Variants in WHRN observed in about 807,000 individuals in gnomAD.
WHRN encodes CASK-interacting protein CIP98.
A neutral mutation model predicts 68.3 loss-of-function variants in WHRN; 41 were observed. The ratio of observed to expected loss-of-function variants is 0.60; its 90% CI spans 0.47 to 0.78. The LOEUF is 0.78. Ranked by LOEUF, WHRN falls within the 30% of genes least tolerant of loss-of-function variation. The pLI is 0.00. For synonymous variants in WHRN, 560 were observed against 561.3 expected (o/e 1.00, Z 0.03); for missense variants, 1,243 against 1,244.7 (o/e 1.00, Z 0.02).
chr9:114,481,307 C>T (rs775595132), intron 1 of WHRN, among the ~76,000 whole-genome samples: 1 of 152,322 alleles, frequency 6.6e-6, no homozygotes, highest in African/African-American at 2.4e-5. Flanking sequence ...GGAGGGATAA[C>T]GAGGATGGCG....
Position 114,404,057 on chromosome 9 carries a change from G to A in WHRN, c.2257C>T (p.Leu753Phe), listed in dbSNP as rs761972283. 6 of 1,613,240 alleles carry A rather than the reference G, an allele frequency of 3.7e-6. No homozygotes were observed. The South Asian group carries it at 5.5e-5, about 15-fold the overall frequency. Residue 753 changes from leucine to phenylalanine, a missense_variant, in exon 10 of 12, where the codon CTC (leucine) becomes TTC (phenylalanine). By Grantham distance (22) the Leu-to-Phe change is conservative. Transcript: ENST00000362057. ...QTRTASTLSQ[L>F]SDSGQTLSED... ...CTTAGAGTCTGCCCGCTGTCCGAGA[G>A]CTGGGAGAGCGTAGAGGCTGCTGGA...
In WHRN at chr9:114,467,525, G is replaced by T. The variant is rs543576598; in HGVS notation, c.838-1133C>A. 3.3e-5 allele frequency among the ~76,000 whole-genome samples: 5 copies of T among 152,200 alleles called. No individual in the cohort carries two copies. The South Asian group carries it at 6.2e-4, about 19-fold the overall frequency. On this transcript the variant is annotated intron_variant, in intron 2 of 11. Coordinates refer to ENST00000362057, the MANE Select transcript of WHRN (RefSeq NM_015404.4). ...GCGAGAGTCAGCCGGCGGGGGGGAA[G>T]GGAAAATGGAACATTCCAGAATATG... is the stretch of plus-strand genomic sequence containing the variant.
At chr9:114,460,984 T>C (rs1264328682) in intron 3 of WHRN, among the ~76,000 whole-genome samples, 8 of 152,174 alleles carry the variant, frequency 5.3e-5, no homozygotes, top group African/African-American at 1.7e-4. Context: ...GGTGTTAGCA[T>C]ATCCAAGGGG....
At chr9:114,432,019 G>C (rs1313121120) in intron 3 of WHRN, among the ~76,000 whole-genome samples, 2 of 152,338 alleles carry the variant, frequency 1.3e-5, no homozygotes, top group Non-Finnish European at 2.9e-5. Flanking sequence ...TGCTTGCAGG[G>C]CACTGATGGG....
intron 1 of WHRN, among the ~76,000 whole-genome samples, chr9:114,482,380 G>A (rs560499503): frequency 1.3e-5 from 2 of 152,358 alleles, no homozygotes; most frequent in African/African-American, 2.4e-5. Flanking sequence ...AAAATCACAC[G>A]TGGATTGTGG....
Position 114,403,917 on chromosome 9 carries a change from G to A in WHRN, c.2397C>T (p.Pro799=). ...SSKELPRNER[P]TDGANKPPGL... is the part of the protein sequence containing the mutation. The stretch of plus-strand genomic sequence containing the variant: ...TCACCGGTTTGTTGGCCCCATCTGT[G>A]GGCCTCTCGTTCCGAGGCAGCTCCT... Residue 799 remains proline, a synonymous_variant, in exon 10 of 12, where the codon CCC becomes CCT. Transcript: ENST00000362057. The A allele has an allele frequency of 6.2e-7, 1 of 1,611,010 alleles. No individual in the cohort carries two copies. The highest frequency in any genetic ancestry group is 8.5e-7 in the Non-Finnish European group (1 of 1,180,006).
At chr9:114,445,936 C>T (rs1391867257) in intron 3 of WHRN, among the ~76,000 whole-genome samples, 1 of 151,986 alleles carries the variant, frequency 6.6e-6, no homozygotes, top group African/African-American at 2.4e-5. Flanking sequence ...TAATTTAGCC[C>T]CAAGATGGAA....
intron 1 of WHRN, among the ~76,000 whole-genome samples, chr9:114,482,568 C>G (rs1343926946): frequency 6.6e-6 from 1 of 152,094 alleles, no homozygotes; most frequent in Non-Finnish European, 1.5e-5. Context: ...AAGTTCAGAG[C>G]CTTCTTGGCC....
chr9:114,502,527 G>C (rs1368515260), intron 1 of WHRN, among the ~76,000 whole-genome samples: 1 of 151,770 alleles, frequency 6.6e-6, no homozygotes, highest in East Asian at 1.9e-4. Flanking sequence ...CAATGAAATG[G>C]TGGTGGGGGA....
intron 7 of WHRN, among the ~76,000 whole-genome samples, chr9:114,420,938 C>T (rs935535708): frequency 1.3e-5 from 2 of 151,954 alleles, no homozygotes; most frequent in Admixed American, 6.6e-5. Context: ...GCCCCTTCCA[C>T]GCTGCCTTTC....
chr9:114,478,869 C>A, intron 1 of WHRN, 98 bp from the exon 2 acceptor site: 3 of 1,195,402 alleles, frequency 2.5e-6, no homozygotes, highest in Non-Finnish European at 3.6e-6. Flanking sequence ...CTCAGGAGCC[C>A]CACATGGAAG....
chr9:114,430,363 A>ATAC (rs1485768076), intron 3 of WHRN, among the ~76,000 whole-genome samples: 4 of 152,270 alleles, frequency 2.6e-5, no homozygotes, highest in Admixed American at 2.6e-4. Flanking sequence ...GGGCATATAC[A>ATAC]TACTAAAAAA....
chr9:114,457,838 C>T (rs1033151717), intron 3 of WHRN, among the ~76,000 whole-genome samples: 7 of 151,312 alleles, frequency 4.6e-5, no homozygotes, highest in African/African-American at 1.7e-4. Context: ...ATCGCTTGAA[C>T]CCAGGAGGCA....
chr9:114,467,049 A>G (rs1840769167), intron 2 of WHRN, among the ~76,000 whole-genome samples: 1 of 143,242 alleles, frequency 7.0e-6, no homozygotes. Context: ...CACCCCAGGG[A>G]TCTCTTATCA....
intron 1 of WHRN, among the ~76,000 whole-genome samples, chr9:114,498,585 T>G (rs1256325020): frequency 6.6e-6 from 1 of 152,168 alleles, no homozygotes; most frequent in Non-Finnish European, 1.5e-5. Context: ...TACACCACTC[T>G]CCCTTGATAT....
chr9:114,455,359 C>A (rs1237813258), intron 3 of WHRN, among the ~76,000 whole-genome samples: 1 of 152,076 alleles, frequency 6.6e-6, no homozygotes, highest in Non-Finnish European at 1.5e-5. Flanking sequence ...GGACTATAGG[C>A]ATGCACCACC....
At chr9:114,451,751 A>T (rs1839357713) in intron 3 of WHRN, among the ~76,000 whole-genome samples, 1 of 152,216 alleles carries the variant, frequency 6.6e-6, no homozygotes, top group Non-Finnish European at 1.5e-5. Context: ...TCACCAGAGA[A>T]GGTATGAGGA....
chr9:114,486,491 C>T (rs1483556659), intron 1 of WHRN, among the ~76,000 whole-genome samples: 1 of 152,190 alleles, frequency 6.6e-6, no homozygotes, highest in Admixed American at 6.5e-5. Flanking sequence ...CCTTTTCACT[C>T]GTTTAGCCAA....
At chr9:114,402,976 T>G in intron 11 of WHRN, 40 bp from the exon 12 acceptor site, 1 of 1,586,234 alleles carries the variant, frequency 6.3e-7, no homozygotes. Flanking sequence ...GCCCAAGGGT[T>G]AGACAGGCCT....
Sources: allele counts gnomAD v4.1 joint callset (sites outside exome capture counted in the v4.1 genomes callset), GRCh38; gene constraint gnomAD v4.1.1; transcripts MANE v1.5; gene names NCBI Gene and HGNC (gene_info 2026-07-23, HGNC 2026-07-21).